The following ZNF695 variants were observed in gnomAD, a reference collection of about 807,000 sequenced individuals.
ZNF695 encodes zinc finger protein 695, also known as zinc finger protein SBZF3.
ZNF695 carries 11 observed loss-of-function variants against 11.2 expected under a neutral mutation model. That is an observed-to-expected ratio of 0.98 (90% CI 0.62 to 1.62). The LOEUF is 1.62. ZNF695 is among the 40% of genes most tolerant of loss of function. ZNF695 has a pLI of 0.00. For synonymous variants in ZNF695, 190 were observed against 201.4 expected, an observed-to-expected ratio of 0.94 and a Z score of 0.48; for missense variants, 559 against 590.5, an observed-to-expected ratio of 0.95 and a Z score of 0.55.
Position 246,945,943 on chromosome 1 carries a change from C to T in ZNF695, c.489-116G>A. 2.3e-6 allele frequency: 3 copies of T among 1,313,410 alleles called. No individual in the cohort carries two copies. In the South Asian group the frequency reaches 3.9e-5, roughly 17 times the overall value. 81.4% of individuals were successfully genotyped at this position (1,313,410 alleles called of 1,614,324 possible). A position where few individuals can be genotyped will look rare whatever the true frequency, so the allele number is the denominator to read the frequency against. On this transcript the variant is annotated intron_variant, in intron 5 of 5. Coordinates refer to the ZNF695 transcript ENST00000487338. ...GAAGACTTGGTTCCATTGGAGAAGT[C>T]TGTCTGTCCCTTGCCATTTCAAATT...
downstream of ZNF695, among the ~76,000 whole-genome samples, chr1:246,981,162 A>G (rs889358172): frequency 2.0e-5 from 3 of 152,256 alleles, no homozygotes; most frequent in Non-Finnish European, 4.4e-5. Flanking sequence ...GGAAAGGCAA[A>G]TCAGAACTGC....
chr1:246,980,178 TAAAAAAAAAA>T (rs71566679), intron 4 of ZNF695, among the ~76,000 whole-genome samples: 3 of 88,758 alleles, frequency 3.4e-5, no homozygotes, highest in South Asian at 3.7e-4. Context: ...ACTCTGTATT[TAAAAAAAAAA>T]AAAAAAAAAA....
intron 3 of ZNF695, among the ~76,000 whole-genome samples, chr1:246,990,436 A>G (rs1255103982): frequency 6.6e-6 from 1 of 152,182 alleles, no homozygotes; most frequent in Non-Finnish European, 1.5e-5. Context: ...GTAAATATAT[A>G]TTTATCCAAC....
At chr1:247,005,686 A>C (rs749412785) in intron 1 of ZNF695, among the ~76,000 whole-genome samples, 1 of 151,992 alleles carries the variant, frequency 6.6e-6, no homozygotes, top group Non-Finnish European at 1.5e-5. Context: ...AAACAAAACA[A>C]ACAAACAAAA....
intron 3 of ZNF695, among the ~76,000 whole-genome samples, chr1:246,993,948 C>A (rs961742841): frequency 6.6e-6 from 1 of 151,846 alleles, no homozygotes; most frequent in Non-Finnish European, 1.5e-5. Flanking sequence ...CCAACGTGGG[C>A]GGATCACTTG....
chr1:247,003,126 G>A (rs551374816), intron 1 of ZNF695, among the ~76,000 whole-genome samples: 1 of 152,110 alleles, frequency 6.6e-6, no homozygotes, highest in South Asian at 2.1e-4. Context: ...ATACCCAAAG[G>A]AGTATATATC....
chr1:246,996,127 C>T (rs577481689), intron 3 of ZNF695: 16 of 430,286 alleles, frequency 3.7e-5, no homozygotes, highest in South Asian at 2.6e-4. Flanking sequence ...AGGTGGATCA[C>T]CTGAGGTAAG....
At position 246,967,706 on chromosome 1, in the gene ZNF695, CTT is replaced by C; in HGVS notation, c.475_476del (p.Lys159AlafsTer34). The stretch of plus-strand genomic sequence containing the variant: ...TTTAATCAACTCACGGTTCTGTGGG[CTT>C]TACATGCTTCTGCTTCTGGGGAGGC... On this transcript the variant is annotated frameshift_variant, in exon 5 of 6. Transcript: ENST00000487338. LOFTEE classifies it high-confidence loss of function. 2.5e-6 allele frequency: 1 copy of C among 395,454 alleles called. No individual in the cohort carries two copies. Among genetic ancestry groups the C allele is most frequent in the South Asian group, 1.9e-5 (1 of 52,484 alleles). 24.5% of individuals were successfully genotyped at this position (395,454 alleles called of 1,614,324 possible). A position where few individuals can be genotyped will look rare whatever the true frequency, so the allele number is the denominator to read the frequency against.
Position 247,007,984 on chromosome 1 carries a change from G to T in ZNF695, c.-76C>A. On this transcript the variant is annotated 5_prime_UTR_variant, in exon 1 of 4. Transcript: ENST00000339986. ...TGCAGGCCACAGGGCGATGGAGCCTGCGGCAGTCACCCGGGACTCTCCGAG... is the reference window on the plus strand; with the variant it reads ...TGCAGGCCACAGGGCGATGGAGCCTTCGGCAGTCACCCGGGACTCTCCGAG... 1 of 1,419,058 alleles carries T rather than the reference G, an allele frequency of 7.0e-7. No homozygotes were observed. The highest frequency in any genetic ancestry group is 9.3e-7 in the Non-Finnish European group (1 of 1,072,716). The allele number at this position is 1,419,058 out of a possible 1,614,324, so 87.9% of individuals were successfully genotyped here.
At chr1:246,959,282 CAAAAAAAAAA>C (rs1189262229) in intron 5 of ZNF695, among the ~76,000 whole-genome samples, 2 of 7,426 alleles carry the variant, frequency 2.7e-4, no homozygotes, top group African/African-American at 6.6e-4. Context: ...GACCCTGTCT[CAAAAAAAAAA>C]AAAAAAAAAA....
At chr1:246,989,007 T>C (rs1490269757) in intron 3 of ZNF695, among the ~76,000 whole-genome samples, 1 of 150,172 alleles carries the variant, frequency 6.7e-6, no homozygotes, top group East Asian at 2.0e-4. Context: ...GGCAGAAGAA[T>C]AGCGTGAACC....
intron 5 of ZNF695, among the ~76,000 whole-genome samples, chr1:246,957,513 ATTCTT>A (rs1198346298): frequency 6.6e-6 from 1 of 152,168 alleles, no homozygotes; most frequent in Non-Finnish European, 1.5e-5. Flanking sequence ...ATATTGGACT[ATTCTT>A]TTCATCTTTT....
intron 4 of ZNF695, chr1:246,968,986 A>C (rs1248299380): frequency 6.6e-6 from 1 of 152,244 alleles, no homozygotes; most frequent in Non-Finnish European, 1.5e-5. Flanking sequence ...AAAGTCTCTG[A>C]AATGTCTTGG....
intron 5 of ZNF695, among the ~76,000 whole-genome samples, chr1:246,962,967 A>G (rs536999780): frequency 2.2e-4 from 34 of 152,240 alleles, no homozygotes; most frequent in Non-Finnish European, 4.1e-4. Flanking sequence ...GTGAGCCACC[A>G]TGCCCGGCCT....
At chr1:246,976,513 G>A (rs566673678) in intron 4 of ZNF695, among the ~76,000 whole-genome samples, 51 of 152,178 alleles carry the variant, frequency 3.4e-4, no homozygotes, top group Admixed American at 1.4e-3. Flanking sequence ...AAATTACACT[G>A]GCCGGGCGCG....
intron 1 of ZNF695, among the ~76,000 whole-genome samples, chr1:247,006,313 G>A (rs1255757364): frequency 6.7e-6 from 1 of 150,344 alleles, no homozygotes; most frequent in East Asian, 2.0e-4. Context: ...TGTTTGAAAA[G>A]CAAATAAAGG....
At chr1:246,947,545 A>G (rs1667769001) in intron 5 of ZNF695, among the ~76,000 whole-genome samples, 2 of 152,194 alleles carry the variant, frequency 1.3e-5, no homozygotes, top group Admixed American at 1.3e-4. Context: ...CACACAGGGC[A>G]GAGTACAACA....
chr1:246,982,139 G>A (rs890482198), downstream of ZNF695, among the ~76,000 whole-genome samples: 2 of 151,888 alleles, frequency 1.3e-5, no homozygotes, highest in African/African-American at 2.4e-5. Context: ...GCGTGGTGGT[G>A]CATGACTGTA....
intron 3 of ZNF695, chr1:246,995,905 T>TA: frequency 3.0e-6 from 1 of 332,472 alleles, no homozygotes; most frequent in East Asian, 1.2e-4. Context: ...TGAAACAGAA[T>TA]AGAAAACACA....
Sources: gnomAD v4.1 joint callset for allele counts (sites outside exome capture counted in the v4.1 genomes callset) on GRCh38, gnomAD v4.1.1 for gene constraint, MANE v1.5 for transcripts, NCBI Gene and HGNC (gene_info 2026-07-23, HGNC 2026-07-21) for gene names.